SRPK1: variants seen among roughly 807,000 people sequenced by gnomAD.
SRPK1 encodes the protein SFRS protein kinase 1.
Under a neutral mutation model 89.5 loss-of-function variants are expected in SRPK1, and 52 were observed. The observed-to-expected ratio is 0.58, with a 90% confidence interval of 0.46 to 0.73. The LOEUF (loss-of-function observed/expected upper bound fraction) is 0.73. Among genes scored for constraint, SRPK1 ranks in the 30% least tolerant of loss-of-function variants. The probability of loss-of-function intolerance (pLI) is 0.00; values close to 1 mark genes in which losing one functional copy is unlikely to be tolerated. For synonymous variants in SRPK1, 255 were observed against 270.2 expected, an observed-to-expected ratio of 0.94 and a Z score of 0.55; for missense variants, 603 against 780.6, an observed-to-expected ratio of 0.77 and a Z score of 2.71.
At chr6:35,904,172 T>C (rs1443207952) in intron 2 of SRPK1, among the ~76,000 whole-genome samples, 1 of 152,184 alleles carries the variant, frequency 6.6e-6, no homozygotes, top group African/African-American at 2.4e-5. Context: ...ACTACAGTTA[T>C]CTGAAAATTA....
At chr6:35,878,670 ACC>A (rs1463719673) in intron 6 of SRPK1, among the ~76,000 whole-genome samples, 1 of 151,878 alleles carries the variant, frequency 6.6e-6, no homozygotes, top group Admixed American at 6.6e-5. Flanking sequence ...CATTTTTGTA[ACC>A]CCCCTCCATT....
rs572467634 is a variant in SRPK1 at position 35,918,833 on chromosome 6, T to G, written c.74+1635A>C. On this transcript the variant is annotated intron_variant, in intron 2 of 15. Transcript: ENST00000373825. ...TCGAAAGTAACAGATTTCTGGTGCT[T>G]AAAGTATATCATCTATATACATTTA... Among the ~76,000 whole-genome samples the G allele has an allele frequency of 2.0e-5, 3 of 152,354 alleles. No homozygotes were observed. The South Asian group carries it at 6.2e-4, about 32-fold the overall frequency.
chr6:35,870,370 T>C lies in SRPK1; in HGVS notation c.902A>G (p.Lys301Arg). The C allele has an allele frequency of 6.2e-7, 1 of 1,609,176 alleles. No individual in the cohort carries two copies. Reference sequence around the variant, plus strand: ...TGATTCTTCTTGCTTGTTTGGTCTTTTTTGCCCAGGGCCCGACTCTTTCTC... The same window carrying C: ...TGATTCTTCTTGCTTGTTTGGTCTTCTTTGCCCAGGGCCCGACTCTTTCTC... Reference protein sequence around the residue: ...EMEKESGPGQKRPNKQEESES... With the variant: ...EMEKESGPGQRRPNKQEESES... The change falls in exon 10 of 16, where the codon AAA becomes AGA. Residue 301 changes from lysine (K) to arginine (R), a missense_variant. By Grantham distance (26) the Lys-to-Arg change is conservative. Transcript: ENST00000373825.
At chr6:35,847,686 C>CAA (rs992154606) in intron 13 of SRPK1, among the ~76,000 whole-genome samples, 4 of 145,204 alleles carry the variant, frequency 2.8e-5, no homozygotes, top group African/African-American at 1.0e-4. Flanking sequence ...ACAATAGCTA[C>CAA]AAAAAAAAAA....
intron 13 of SRPK1, among the ~76,000 whole-genome samples, chr6:35,855,783 G>A (rs971006059): frequency 6.6e-6 from 1 of 152,176 alleles, no homozygotes; most frequent in African/African-American, 2.4e-5. Flanking sequence ...TGCCTAGGCT[G>A]GAGTGCAATG....
intron 15 of SRPK1, 69 bp from the exon 16 acceptor site, chr6:35,835,557 A>T (rs1769161558): frequency 1.4e-6 from 2 of 1,406,916 alleles, no homozygotes; most frequent in South Asian, 2.8e-5. Flanking sequence ...TCTTGTGGAA[A>T]CCCACAAACT....
At chr6:35,843,170 G>A (rs148868504) in intron 13 of SRPK1, among the ~76,000 whole-genome samples, 6 of 151,084 alleles carry the variant, frequency 4.0e-5, no homozygotes, top group African/African-American at 1.5e-4. Flanking sequence ...GGGTTTCACT[G>A]CGTTAGCCAG....
intron 13 of SRPK1, 119 bp downstream of exon 13, chr6:35,857,142 T>C (rs759061476): frequency 2.0e-4 from 143 of 719,402 alleles, no homozygotes; most frequent in Non-Finnish European, 3.1e-4. Flanking sequence ...AGAATACCTA[T>C]GGTAAATCAT....
intron 2 of SRPK1, among the ~76,000 whole-genome samples, chr6:35,910,694 GCT>G (rs1770940979): frequency 6.6e-6 from 1 of 152,178 alleles, no homozygotes. Flanking sequence ...CAAAGGACAG[GCT>G]GACTCTTGTT....
intron 5 of SRPK1, among the ~76,000 whole-genome samples, chr6:35,887,469 C>A (rs187107160): frequency 6.6e-6 from 1 of 152,050 alleles, no homozygotes; most frequent in African/African-American, 2.4e-5. Context: ...GAGGACATAC[C>A]GGGGTAAAGG....
chr6:35,898,109 T>C (rs1770660607), intron 2 of SRPK1, among the ~76,000 whole-genome samples: 2 of 151,926 alleles, frequency 1.3e-5, no homozygotes, highest in African/African-American at 2.4e-5. Context: ...ATTCCAAAGA[T>C]ATGGAACCAA....
chr6:35,919,689 C>T (rs639421), intron 2 of SRPK1, among the ~76,000 whole-genome samples: 47,923 of 152,048 alleles, frequency 0.32, 7,789 homozygotes, highest in South Asian at 0.42. Flanking sequence ...CTGTGACCAA[C>T]TTTTGAACTT....
chr6:35,886,124 C>T (rs769708686), intron 6 of SRPK1, among the ~76,000 whole-genome samples: 11 of 149,432 alleles, frequency 7.4e-5, no homozygotes, highest in Non-Finnish European at 1.3e-4. Flanking sequence ...CTGTCCCCCA[C>T]GCTGGAGTGC....
intron 3 of SRPK1, among the ~76,000 whole-genome samples, chr6:35,889,427 C>T (rs967721743): frequency 1.3e-5 from 2 of 151,990 alleles, no homozygotes; most frequent in African/African-American, 4.8e-5. Context: ...GAGGGCGGAT[C>T]ATTTGAGGTC....
intron 8 of SRPK1, 135 bp downstream of exon 8, chr6:35,872,428 T>A (rs1770053140): frequency 1.2e-6 from 1 of 813,460 alleles, no homozygotes; most frequent in African/African-American, 1.8e-5. Flanking sequence ...GAATGTCTCT[T>A]GGAAGCTGAT....
intron 12 of SRPK1, among the ~76,000 whole-genome samples, chr6:35,862,521 C>T (rs912376359): frequency 6.6e-6 from 1 of 152,068 alleles, no homozygotes; most frequent in African/African-American, 2.4e-5. Context: ...GAAAAATATT[C>T]TCCCCTACAA....
At position 35,872,712 on chromosome 6, in the gene SRPK1, T is replaced by C. The variant is rs1770059570; in HGVS notation, c.602A>G (p.Asp201Gly). The change falls in exon 8 of 16, where the codon GAT becomes GGT. Residue 201 changes from aspartate to glycine, a missense_variant. Asp to Gly is a moderately conservative substitution (Grantham distance 94, BLOSUM62 -1). Transcript: ENST00000373825. Reference sequence around the variant, plus strand: ...GATACGGCACTTGGTATGTAAATAATCAAGACCCTGTAACACCTGAATGGA... The same window carrying C: ...GATACGGCACTTGGTATGTAAATAACCAAGACCCTGTAACACCTGAATGGA... ...KIIQQVLQGL[D>G]YLHTKCRIIH... 1.2e-6 allele frequency: 2 copies of C among 1,605,208 alleles called. No individual in the cohort carries two copies. Among genetic ancestry groups the C allele is most frequent in the Non-Finnish European group, 1.7e-6 (2 of 1,176,584 alleles).
rs950542424 is a variant in SRPK1 at position 35,886,714 on chromosome 6, A to T, written c.478+10T>A. ...ATGATTTATTCTCAAATAGGTTTTT[A>T]AAAGGATACGTGTTCCATTAACTCC... On this transcript the variant is annotated intron_variant, in intron 6 of 15. Coordinates refer to ENST00000373825, the MANE Select transcript of SRPK1 (RefSeq NM_003137.5). 2 of 1,503,082 alleles carry T rather than the reference A, an allele frequency of 1.3e-6. No individual in the cohort carries two copies. The allele number at this position is 1,503,082 out of a possible 1,614,324, so 93.1% of individuals were successfully genotyped here. A position where few individuals can be genotyped will look rare whatever the true frequency, so the allele number is the denominator to read the frequency against.
Position 35,904,602 on chromosome 6 carries a change from C to G in SRPK1, c.75-13589G>C, listed in dbSNP as rs1770810205. Among the ~76,000 whole-genome samples, 4 of 151,298 alleles carry G rather than the reference C, an allele frequency of 2.6e-5. No individual in the cohort carries two copies. The South Asian group carries it at 8.4e-4, about 32-fold the overall frequency. ...GATCATGAGGTCAGGAGTTTAAGAC[C>G]AGCCTGGCCAACATGGTGAAACCCC... On this transcript the variant is annotated intron_variant, in intron 2 of 15. Transcript: ENST00000373825.
Sources: gnomAD v4.1 joint callset for allele counts (sites outside exome capture counted in the v4.1 genomes callset) on GRCh38, gnomAD v4.1.1 for gene constraint, MANE v1.5 for transcripts, NCBI Gene and HGNC (gene_info 2026-07-23, HGNC 2026-07-21) for gene names.